Variants in SERINC3 observed in about 807,000 individuals in gnomAD.
The protein encoded by SERINC3 is tumor differentially expressed protein 1.
SERINC3 carries 22 observed loss-of-function variants against 52.1 expected under a neutral mutation model. That is an observed-to-expected ratio of 0.42 (90% CI 0.30 to 0.60). SERINC3 has a LOEUF of 0.60. SERINC3 is among the 20% of genes least tolerant of loss of function. The pLI is 0.16. For synonymous variants in SERINC3, 226 were observed against 212.7 expected, an observed-to-expected ratio of 1.06 and a Z score of -0.54; for missense variants, 564 against 584.6, an observed-to-expected ratio of 0.96 and a Z score of 0.36.
chr20:44,516,314 T>C (rs2064380506), intron 1 of SERINC3, among the ~76,000 whole-genome samples: 1 of 151,692 alleles, frequency 6.6e-6, no homozygotes, highest in Admixed American at 6.6e-5. Flanking sequence ...AAAAAAAGAG[T>C]AACCTAGATC....
intron 5 of SERINC3, among the ~76,000 whole-genome samples, chr20:44,507,434 G>GT (rs2064321715): frequency 6.6e-6 from 1 of 152,202 alleles, no homozygotes; most frequent in Admixed American, 6.5e-5. Context: ...TTTTATGACA[G>GT]TTTTTTCCTC....
At chr20:44,515,163 G>A (rs2064372398) in intron 1 of SERINC3, among the ~76,000 whole-genome samples, 1 of 152,162 alleles carries the variant, frequency 6.6e-6, no homozygotes, top group African/African-American at 2.4e-5. Flanking sequence ...AGACCAGCCT[G>A]GCCAACATGA....
At chr20:44,504,048 GA>G in intron 7 of SERINC3, 53 bp from the exon 8 acceptor site, 1 of 1,467,044 alleles carries the variant, frequency 6.8e-7, no homozygotes. Flanking sequence ...CTTGTTCCAA[GA>G]AAGAACTTGA....
At chr20:44,506,454 T>G (rs930026227) in intron 6 of SERINC3, among the ~76,000 whole-genome samples, 17 of 151,118 alleles carry the variant, frequency 1.1e-4, no homozygotes, top group African/African-American at 4.1e-4. Flanking sequence ...GGCCCGGTGG[T>G]GGCTGCCTGT....
chr20:44,514,909 T>C (rs951739090), intron 1 of SERINC3, among the ~76,000 whole-genome samples: 1 of 152,184 alleles, frequency 6.6e-6, no homozygotes, highest in Non-Finnish European at 1.5e-5. Flanking sequence ...CCAGAAAGTA[T>C]ATACCCGACC....
chr20:44,511,373 T>C lies in SERINC3; in HGVS notation c.396-5A>G. Reference sequence around the variant, plus strand: ...GCAATTTTGAAGAACCAAAACCTATTAAAATATAAAAATGCATTTATGAAA... The same window carrying C: ...GCAATTTTGAAGAACCAAAACCTATCAAAATATAAAAATGCATTTATGAAA... On this transcript the variant is annotated splice_polypyrimidine_tract_variant and splice_region_variant and intron_variant, in intron 3 of 9. Transcript: ENST00000342374. 6.3e-7 allele frequency: 1 copy of C among 1,593,786 alleles called. No homozygotes were observed. The highest frequency in any genetic ancestry group is 8.6e-7 in the Non-Finnish European group (1 of 1,161,718).
intron 1 of SERINC3, among the ~76,000 whole-genome samples, chr20:44,517,661 C>T (rs778944293): frequency 1.3e-5 from 2 of 151,750 alleles, no homozygotes; most frequent in Non-Finnish European, 2.9e-5. Flanking sequence ...ACCCTGCTGA[C>T]ACCTTCATCC....
chr20:44,521,247 A>T (rs952910301), intron 1 of SERINC3, among the ~76,000 whole-genome samples: 1 of 152,228 alleles, frequency 6.6e-6, no homozygotes, highest in Non-Finnish European at 1.5e-5. Context: ...ATTCTTTTAT[A>T]GGCCCTATAA....
In SERINC3 at chr20:44,513,973, G is replaced by A. The variant is rs763903831; in HGVS notation, c.107C>T (p.Thr36Met). Residue 36 changes from threonine to methionine, a missense_variant, in exon 2 of 10, where the codon ACG becomes ATG. Coordinates refer to ENST00000342374, the MANE Select transcript of SERINC3 (RefSeq NM_006811.4). ...CSCCPNSKNS[T>M]VTRLIYAFIL... ...GAAAGCATAAATGAGGCGAGTCACC[G>A]TGGAATTCTTACTGTTAGGACAGCA... is the stretch of plus-strand genomic sequence containing the variant. 1.7e-5 allele frequency: 27 copies of A among 1,614,020 alleles called. No homozygotes were observed. Among genetic ancestry groups the A allele is most frequent in the East Asian group, 6.7e-5 (3 of 44,904 alleles).
In SERINC3 at chr20:44,512,912, T is replaced by A. The variant is rs750043413; in HGVS notation, c.284A>T (p.Tyr95Phe). 7.0e-6 allele frequency: 11 copies of A among 1,573,242 alleles called. 1 individual carries two copies. In the Admixed American group the frequency reaches 2.0e-4, roughly 29 times the overall value. ...ADKDCDVLVGYKAVYRISFAM... is the reference protein window; with the variant it reads ...ADKDCDVLVGFKAVYRISFAM... ...AAAGCTGATCCGATACACAGCTTTA[T>A]AACCAACCAGCACATCACAATCTTT... Residue 95 changes from tyrosine (Y) to phenylalanine (F), a missense_variant, in exon 3 of 10, where the codon TAT (tyrosine) becomes TTT (phenylalanine). Physicochemically the swap from Tyr to Phe is conservative, Grantham distance 22. Coordinates refer to ENST00000342374, the MANE Select transcript of SERINC3 (RefSeq NM_006811.4).
intron 1 of SERINC3, among the ~76,000 whole-genome samples, chr20:44,515,190 C>T (rs1339764625): frequency 6.6e-6 from 1 of 152,066 alleles, no homozygotes; most frequent in Admixed American, 6.6e-5. Flanking sequence ...CCCATCTCTA[C>T]TAAAAATACA....
chr20:44,503,212 C>T (rs1248994680), intron 8 of SERINC3, among the ~76,000 whole-genome samples: 3 of 152,200 alleles, frequency 2.0e-5, no homozygotes, highest in East Asian at 1.9e-4. Flanking sequence ...CAACTCAATC[C>T]CTATAAAAAT....
rs1432219264 is a variant in SERINC3 at position 44,499,272 on chromosome 20, T to C, written c.*1024A>G. ...CTCTCATGAAAATGGTTCTTGACAATGCCTTCCGTCTCTCATCTACCAAGT... is the reference window on the plus strand; with the variant it reads ...CTCTCATGAAAATGGTTCTTGACAACGCCTTCCGTCTCTCATCTACCAAGT... On this transcript the variant is annotated 3_prime_UTR_variant, in exon 10 of 10. Transcript: ENST00000342374. 6.6e-6 allele frequency: 1 copy of C among 152,358 alleles called. No individual in the cohort carries two copies. Among genetic ancestry groups the C allele is most frequent in the Non-Finnish European group, 1.5e-5 (1 of 68,044 alleles). 9.4% of individuals were successfully genotyped at this position (152,358 alleles called of 1,614,324 possible). A position where few individuals can be genotyped will look rare whatever the true frequency, so the allele number is the denominator to read the frequency against.
In SERINC3 at chr20:44,521,968, G is replaced by C. The variant is rs2064420475; in HGVS notation, c.-17C>G. ...AGCCCCCATGGTGACGCCAGTGATG[G>C]AGGTGGCCGGTCCTGAGGCTGCTTT... On this transcript the variant is annotated 5_prime_UTR_variant, in exon 1 of 10. Transcript: ENST00000342374. 4.4e-6 allele frequency: 7 copies of C among 1,607,452 alleles called. No individual in the cohort carries two copies. The highest frequency in any genetic ancestry group is 4.0e-5 in the African/African-American group (3 of 74,830).
intron 1 of SERINC3, among the ~76,000 whole-genome samples, chr20:44,518,450 C>A (rs1185778448): frequency 6.6e-6 from 1 of 150,902 alleles, no homozygotes; most frequent in African/African-American, 2.4e-5. Flanking sequence ...TCTTATCTGA[C>A]TAAAAGCAGC....
Position 44,506,929 on chromosome 20 carries a change from A to G in SERINC3, c.681T>C (p.Tyr227=). Residue 227 remains tyrosine, a synonymous_variant, in exon 6 of 10, where the codon TAT becomes TAC. Coordinates refer to ENST00000342374, the MANE Select transcript of SERINC3 (RefSeq NM_006811.4). ...CTGTGCAGCCATCTGGTTTGGTGTA[A>G]TATGTATAGAGCAGCCCGACACAGA... ...SIICVGLLYT[Y]YTKPDGCTEN... is the part of the protein sequence containing the mutation. 3 of 1,613,728 alleles carry G rather than the reference A, an allele frequency of 1.9e-6. No homozygotes were observed. The highest frequency in any genetic ancestry group is 2.5e-6 in the Non-Finnish European group (3 of 1,179,786).
chr20:44,516,755 T>A (rs116788980), intron 1 of SERINC3, among the ~76,000 whole-genome samples: 8,838 of 152,228 alleles, frequency 0.058, 343 homozygotes, highest in African/African-American at 0.12. Context: ...AGTACAGTTG[T>A]GTGATCACAG....
intron 5 of SERINC3, among the ~76,000 whole-genome samples, chr20:44,509,142 C>A (rs998562587): frequency 2.0e-5 from 3 of 152,166 alleles, no homozygotes; most frequent in African/African-American, 7.2e-5. Flanking sequence ...AATATATTCG[C>A]AAGCTACTGT....
At position 44,504,429 on chromosome 20, in the gene SERINC3, A is replaced by T. The variant is rs148034644; in HGVS notation, c.874+372T>A. On this transcript the variant is annotated intron_variant, in intron 7 of 9. Coordinates refer to ENST00000342374, the MANE Select transcript of SERINC3 (RefSeq NM_006811.4). ...TATCCTACTGAGAAACAATCCTATAATAACTACAAAAGGAGATTTCCTACA... is the reference window on the plus strand; with the variant it reads ...TATCCTACTGAGAAACAATCCTATATTAACTACAAAAGGAGATTTCCTACA... Among the ~76,000 whole-genome samples the T allele has an allele frequency of 2.0e-5, 3 of 152,346 alleles. No homozygotes were observed. In the East Asian group the frequency reaches 5.8e-4, roughly 29 times the overall value.
Sources: gnomAD v4.1 joint callset for allele counts (sites outside exome capture counted in the v4.1 genomes callset) on GRCh38, gnomAD v4.1.1 for gene constraint, MANE v1.5 for transcripts, NCBI Gene and HGNC (gene_info 2026-07-23, HGNC 2026-07-21) for gene names.